TRIQK: variants seen among roughly 807,000 people sequenced by gnomAD.
TRIQK encodes the protein triple QxxK/R motif-containing protein.
TRIQK carries 10 observed loss-of-function variants against 10.8 expected under a neutral mutation model. That is an observed-to-expected ratio of 0.92 (90% confidence interval 0.57 to 1.57). The LOEUF (loss-of-function observed/expected upper bound fraction) is 1.57. Among genes scored for constraint, TRIQK ranks in the 40% most tolerant of loss-of-function variants. The pLI, the probability that TRIQK is intolerant of heterozygous loss-of-function variation, is 0.00. For synonymous variants in TRIQK, 33 were observed against 33.7 expected (o/e 0.98, Z 0.07); for missense variants, 107 against 97.7 (o/e 1.09, Z -0.40).
At chr8:92,911,331 A>T (rs1331648426) in intron 3 of TRIQK, among the ~76,000 whole-genome samples, 1 of 151,550 alleles carries the variant, frequency 6.6e-6, no homozygotes, top group African/African-American at 2.4e-5. Flanking sequence ...AAATTATCAA[A>T]TTGCAAAGAT....
At position 92,886,642 on chromosome 8, in the gene TRIQK, G is replaced by A; in HGVS notation, c.241C>T (p.Leu81=). ...LRLTTDVDPD[L]DQDED Reference sequence around the variant, plus strand: ...CTTAGCTAATCTTCATCTTGGTCCAGATCAGGGTCAACATCCGTGGTGAGT... The same window carrying A: ...CTTAGCTAATCTTCATCTTGGTCCAAATCAGGGTCAACATCCGTGGTGAGT... The change falls in exon 5 of 5, where the codon CTG becomes TTG. Residue 81 remains leucine, a synonymous_variant. Transcript: ENST00000521988. 1 of 1,527,412 alleles carries A rather than the reference G, an allele frequency of 6.5e-7. No homozygotes were observed. The highest frequency in any genetic ancestry group is 8.8e-7 in the Non-Finnish European group (1 of 1,140,604). The allele number at this position is 1,527,412 out of a possible 1,614,324, so 94.6% of individuals were successfully genotyped here. A position where few individuals can be genotyped will look rare whatever the true frequency, so the allele number is the denominator to read the frequency against.
At chr8:92,912,694 A>G (rs534110697) in intron 3 of TRIQK, among the ~76,000 whole-genome samples, 1 of 152,134 alleles carries the variant, frequency 6.6e-6, no homozygotes, top group African/African-American at 2.4e-5. Context: ...AGGGGCATTT[A>G]TAAACAATTA....
chr8:92,927,138 T>A (rs988048715), intron 2 of TRIQK, among the ~76,000 whole-genome samples: 1 of 151,786 alleles, frequency 6.6e-6, no homozygotes, highest in African/African-American at 2.4e-5. Context: ...ACAAAAAAAA[T>A]GAATCTATTA....
At chr8:92,928,549 T>C (rs1810559778) in intron 2 of TRIQK, among the ~76,000 whole-genome samples, 1 of 152,216 alleles carries the variant, frequency 6.6e-6, no homozygotes, top group Admixed American at 6.5e-5. Context: ...GGCTAAAGTA[T>C]ATGGATCTCC....
At chr8:92,967,821 C>CA (rs34531122), upstream of TRIQK, among the ~76,000 whole-genome samples, 40,573 of 81,820 alleles carry the variant, frequency 0.5, 8,875 homozygotes, top group South Asian at 0.58. Context: ...GACTCCATCT[C>CA]AAAAAAAAAA....
intron 3 of TRIQK, among the ~76,000 whole-genome samples, chr8:92,906,722 C>CA (rs36073229): frequency 0.18 from 22,849 of 126,450 alleles, 3,314 homozygotes; most frequent in African/African-American, 0.39. Context: ...CCGTCTCTAT[C>CA]AAAAAAAAAA....
intron 1 of TRIQK, among the ~76,000 whole-genome samples, chr8:92,994,877 C>G (rs991236683): frequency 6.6e-6 from 1 of 151,768 alleles, no homozygotes; most frequent in African/African-American, 2.4e-5. Flanking sequence ...GAGTTTAGAA[C>G]TTTTATTCTA....
intron 1 of TRIQK, among the ~76,000 whole-genome samples, chr8:92,957,018 T>A (rs1432867823): frequency 6.6e-6 from 1 of 151,838 alleles, no homozygotes; most frequent in Non-Finnish European, 1.5e-5. Flanking sequence ...ATTTCCCAAC[T>A]GAGGAAATTG....
At chr8:92,889,754 T>C (rs778469980) in intron 4 of TRIQK, among the ~76,000 whole-genome samples, 1 of 151,666 alleles carries the variant, frequency 6.6e-6, no homozygotes, top group African/African-American at 2.4e-5. Flanking sequence ...ATGAGGTAAA[T>C]GGCAAAATTT....
At chr8:92,983,894 A>T (rs892445195) in intron 1 of TRIQK, among the ~76,000 whole-genome samples, 14 of 152,058 alleles carry the variant, frequency 9.2e-5, no homozygotes, top group Non-Finnish European at 1.5e-4. Context: ...AAACATGAGA[A>T]TGGTTTGGGA....
chr8:92,978,722 G>A (rs901613068), intron 1 of TRIQK, among the ~76,000 whole-genome samples: 7 of 151,988 alleles, frequency 4.6e-5, no homozygotes, highest in African/African-American at 1.7e-4. Flanking sequence ...GTCCTTTGGT[G>A]ACAGGAATGA....
chr8:92,985,192 A>C (rs537591406), intron 1 of TRIQK, among the ~76,000 whole-genome samples: 1 of 151,154 alleles, frequency 6.6e-6, no homozygotes, highest in East Asian at 2.0e-4. Flanking sequence ...TTGAACACAT[A>C]GTTGTTTTGG....
chr8:92,930,082 A>C (rs923993688), intron 2 of TRIQK, among the ~76,000 whole-genome samples: 3 of 151,718 alleles, frequency 2.0e-5, no homozygotes, highest in Non-Finnish European at 4.4e-5. Flanking sequence ...ATAAATTTTA[A>C]AAAGATTACA....
chr8:92,997,251 A>T (rs1200212730), intron 1 of TRIQK, among the ~76,000 whole-genome samples: 1 of 152,074 alleles, frequency 6.6e-6, no homozygotes, highest in Non-Finnish European at 1.5e-5. Context: ...GGCACTAGGA[A>T]TTCAGACTGT....
chr8:92,908,060 C>A (rs1417814938), intron 3 of TRIQK, among the ~76,000 whole-genome samples: 2 of 151,892 alleles, frequency 1.3e-5, no homozygotes, highest in East Asian at 3.9e-4. Flanking sequence ...TTCATGGGAG[C>A]TTCCTTAGTT....
At chr8:92,912,000 T>C (rs1245457033) in intron 3 of TRIQK, among the ~76,000 whole-genome samples, 1 of 149,550 alleles carries the variant, frequency 6.7e-6, no homozygotes, top group African/African-American at 2.5e-5. Context: ...ATAATAGTAG[T>C]CAAAAATGGA....
chr8:92,925,063 T>A (rs1268243088), intron 2 of TRIQK, among the ~76,000 whole-genome samples: 2 of 152,152 alleles, frequency 1.3e-5, no homozygotes, highest in Admixed American at 6.5e-5. Flanking sequence ...GACACTTATC[T>A]GTGTAAACCT....
upstream of TRIQK, among the ~76,000 whole-genome samples, chr8:92,968,932 A>G (rs2130735879): frequency 6.6e-6 from 1 of 152,278 alleles, no homozygotes. Flanking sequence ...TTATGGTTTT[A>G]GGTCTTACGT....
chr8:92,973,264 G>A (rs976623768), intron 1 of TRIQK: 6 of 152,150 alleles, frequency 3.9e-5, no homozygotes, highest in Non-Finnish European at 5.9e-5. Context: ...TATGAACTAT[G>A]TAATTTCAGT....
Sources: allele counts gnomAD v4.1 joint callset (sites outside exome capture counted in the v4.1 genomes callset), GRCh38; gene constraint gnomAD v4.1.1; transcripts MANE v1.5; gene names NCBI Gene and HGNC (gene_info 2026-07-23, HGNC 2026-07-21).